Variants in SIM2 observed in about 807,000 individuals in gnomAD.
SIM2 encodes single-minded homolog 2.
A neutral mutation model predicts 64.8 loss-of-function variants in SIM2; 28 were observed. That is an observed-to-expected ratio of 0.43 (90% confidence interval 0.32 to 0.59). The LOEUF is 0.59. Ranked by LOEUF, SIM2 falls within the 20% of genes least tolerant of loss-of-function variation. The pLI, the probability that SIM2 is intolerant of heterozygous loss-of-function variation, is 0.07. For missense variants in SIM2, 847 were observed against 871.4 expected (o/e 0.97, Z 0.35); for synonymous variants, 408 against 391.1 (o/e 1.04, Z -0.51).
At chr21:36,727,663 A>C (rs2088910239) in intron 6 of SIM2, among the ~76,000 whole-genome samples, 1 of 152,204 alleles carries the variant, frequency 6.6e-6, no homozygotes, top group South Asian at 2.1e-4. Context: ...GGAATAAGCC[A>C]TCAGAGACCC....
In SIM2 at chr21:36,745,153, C is replaced by A. The variant is rs757506420; in HGVS notation, c.1576+17C>A. On this transcript the variant is annotated intron_variant, in intron 10 of 10. Transcript: ENST00000290399. This position sits in a 1 kb window ranked among gnomAD's most constrained non-coding sequence, Gnocchi z 4.8. Reference sequence around the variant, plus strand: ...GCTACGAAGGTGGGTCAGGTCTGCTCGTGGGGAAGGTGGGAGGACTGCGCA... The same window carrying A: ...GCTACGAAGGTGGGTCAGGTCTGCTAGTGGGGAAGGTGGGAGGACTGCGCA... 3 of 1,600,290 alleles carry A rather than the reference C, an allele frequency of 1.9e-6. No individual in the cohort carries two copies. The highest frequency in any genetic ancestry group is 1.7e-5 in the Admixed American group (1 of 57,990).
Position 36,723,046 on chromosome 21 carries a change from G to C in SIM2, c.459G>C (p.Glu153Asp). The C allele has an allele frequency of 6.2e-7, 1 of 1,613,914 alleles. No individual in the cohort carries two copies. Among genetic ancestry groups the C allele is most frequent in the Middle Eastern group, 1.6e-4 (1 of 6,062 alleles). ...ACCTCATCTTGCTCCTGCTTGCAGA[G>C]TATGAGATAGAGAGGTCGTTCTTTC... ...HQPLHHHLLQEYEIERSFFLR... is the reference protein window; with the variant it reads ...HQPLHHHLLQDYEIERSFFLR... Residue 153 changes from glutamate (E) to aspartate (D), a missense_variant and splice_region_variant, in exon 5 of 11, where the codon GAG (glutamate) becomes GAC (aspartate). By Grantham distance (45) the Glu-to-Asp change is conservative. Coordinates refer to ENST00000290399, the MANE Select transcript of SIM2 (RefSeq NM_005069.6).
At position 36,705,781 on chromosome 21, in the gene SIM2, T is replaced by A. The variant is rs182453828; in HGVS notation, c.176-3387T>A. Among the ~76,000 whole-genome samples, 7 of 152,316 alleles carry A rather than the reference T, an allele frequency of 4.6e-5. 1 individual carries two copies. The highest frequency in any genetic ancestry group is 3.3e-4 in the Admixed American group (5 of 15,304). On this transcript the variant is annotated intron_variant, in intron 1 of 10. Coordinates refer to ENST00000290399, the MANE Select transcript of SIM2 (RefSeq NM_005069.6). The stretch of plus-strand genomic sequence containing the variant: ...GGGCTGGGGTTAGGGACTGGCACCT[T>A]CTTGTTGTTAACCGCATTTGATATT...
Position 36,747,026 on chromosome 21 carries a change from AAAAC to A in SIM2, c.1577-623_1577-620del, listed in dbSNP as rs144536989. On this transcript the variant is annotated intron_variant, in intron 10 of 10. Transcript: ENST00000290399. The surrounding 1 kb of genome is among the most constrained non-coding windows in gnomAD (Gnocchi z 4.5). The stretch of plus-strand genomic sequence containing the variant: ...GACAAATTTTGCCATATAGTGTTTA[AAAAC>A]AAACAAACAAACAAAGACAAAAAAA... Among the ~76,000 whole-genome samples the A allele has an allele frequency of 0.045, 6,791 of 152,204 alleles. 371 individuals carry two copies. The highest frequency in any genetic ancestry group is 0.12 in the African/African-American group (4,831 of 41,480).
intron 7 of SIM2, among the ~76,000 whole-genome samples, chr21:36,735,404 T>A (rs6517379): frequency 6.6e-6 from 1 of 152,284 alleles, no homozygotes; most frequent in Non-Finnish European, 1.5e-5. Flanking sequence ...TTCCGAGCCC[T>A]GTCTGTCATC....
In SIM2 at chr21:36,745,887, G is replaced by A. The variant is rs899135275; in HGVS notation, c.1576+751G>A. 3.1e-6 allele frequency: 4 copies of A among 1,300,518 alleles called. No individual in the cohort carries two copies. In the East Asian group the frequency reaches 2.2e-4, roughly 73 times the overall value. 80.6% of individuals were successfully genotyped at this position (1,300,518 alleles called of 1,614,324 possible). On this transcript the variant is annotated intron_variant, in intron 10 of 10. Transcript: ENST00000290399. The surrounding 1 kb of genome is among the most constrained non-coding windows in gnomAD (Gnocchi z 4.8). ...CTGGACCAACCCCAGGCAGAAGGTG[G>A]AAGGTGGGAACAGAGGTTTAGCTGC...
intron 9 of SIM2, among the ~76,000 whole-genome samples, 183 bp downstream of exon 9, chr21:36,743,738 G>A (rs903429286): frequency 7.2e-5 from 11 of 152,114 alleles, no homozygotes; most frequent in African/African-American, 1.4e-4. Context: ...CCGACATCCC[G>A]GTGGGCTAGT....
Position 36,747,926 on chromosome 21 carries a change from G to A in SIM2, c.1838G>A (p.Gly613Glu). 9.6e-7 allele frequency: 1 copy of A among 1,038,368 alleles called. No homozygotes were observed. Among genetic ancestry groups the A allele is most frequent in the Non-Finnish European group, 1.2e-6 (1 of 862,582 alleles). 64.3% of individuals were successfully genotyped at this position (1,038,368 alleles called of 1,614,324 possible). ...HRVLARRGPLGGAAPAASGLA... is the reference protein window; with the variant it reads ...HRVLARRGPLEGAAPAASGLA... The stretch of plus-strand genomic sequence containing the variant: ...GTGCTGGCCCGGCGCGGACCGCTGG[G>A]GGGCGCCGCACCCGCCGCCTCCGGC... Residue 613 changes from glycine (G) to glutamate (E), a missense_variant, in exon 11 of 11, where the codon GGG (glycine) becomes GAG (glutamate). By Grantham distance (98) the Gly-to-Glu change is moderately conservative (BLOSUM62 -2). Transcript: ENST00000290399. The surrounding 1 kb of genome is among the most constrained non-coding windows in gnomAD (Gnocchi z 4.5).
At chr21:36,721,876 C>T (rs1310918619) in intron 4 of SIM2, among the ~76,000 whole-genome samples, 2 of 152,106 alleles carry the variant, frequency 1.3e-5, no homozygotes, top group Non-Finnish European at 2.9e-5. Flanking sequence ...ATCATGAGAC[C>T]CTTTCATGCC....
In SIM2 at chr21:36,749,765, G is replaced by A. The variant is rs1014442051; in HGVS notation, c.*1673G>A. 2.6e-5 allele frequency: 4 copies of A among 152,200 alleles called. No individual in the cohort carries two copies. Among genetic ancestry groups the A allele is most frequent in the Admixed American group, 6.5e-5 (1 of 15,288 alleles). 9.4% of individuals were successfully genotyped at this position (152,200 alleles called of 1,614,324 possible). ...GGTTTGATTACTAGGAGATACCACC[G>A]ACATTTTTCAATAAAGTACTGCAAA... On this transcript the variant is annotated 3_prime_UTR_variant, in exon 11 of 11. Coordinates refer to ENST00000290399, the MANE Select transcript of SIM2 (RefSeq NM_005069.6).
In SIM2 at chr21:36,711,776, C is replaced by G. The variant is rs201085534; in HGVS notation, c.259-757C>G. ...TTTCCTTTTTCAAAAATAATTTAGT[C>G]TTTTTATCCTTGACACATAAATATA... On this transcript the variant is annotated intron_variant, in intron 2 of 10. Transcript: ENST00000290399. Among the ~76,000 whole-genome samples the G allele has an allele frequency of 1.2e-4, 19 of 152,202 alleles. No homozygotes were observed. In the East Asian group the frequency reaches 2.9e-3, roughly 23 times the overall value.
At position 36,745,127 on chromosome 21, in the gene SIM2, A is replaced by G; in HGVS notation, c.1567A>G (p.Ser523Gly). 1 of 1,610,204 alleles carries G rather than the reference A, an allele frequency of 6.2e-7. No individual in the cohort carries two copies. Among genetic ancestry groups the G allele is most frequent in the Non-Finnish European group, 8.5e-7 (1 of 1,177,854 alleles). The change falls in exon 10 of 11, where the codon AGC (serine) becomes GGC (glycine). Residue 523 changes from serine (S) to glycine (G), a missense_variant. Ser to Gly is a moderately conservative substitution (Grantham distance 56, BLOSUM62 0). Transcript: ENST00000290399. This position sits in a 1 kb window ranked among gnomAD's most constrained non-coding sequence, Gnocchi z 4.8. ...ANTARHSLVP[S>G]YEAPAAAVRR... Reference sequence around the variant, plus strand: ...CACTGCTAGGCACAGCCTGGTGCCAAGCTACGAAGGTGGGTCAGGTCTGCT... The same window carrying G: ...CACTGCTAGGCACAGCCTGGTGCCAGGCTACGAAGGTGGGTCAGGTCTGCT...
intron 1 of SIM2, among the ~76,000 whole-genome samples, chr21:36,703,997 G>A (rs997095761): frequency 1.4e-4 from 21 of 152,248 alleles, no homozygotes; most frequent in African/African-American, 4.8e-4. Flanking sequence ...TGGAAACCAA[G>A]GTTGAGTCTC....
intron 4 of SIM2, among the ~76,000 whole-genome samples, chr21:36,722,573 A>G (rs997073817): frequency 1.3e-5 from 2 of 152,176 alleles, no homozygotes; most frequent in Non-Finnish European, 2.9e-5. Context: ...GAGGCCTGCA[A>G]AAGCAAAGTG....
At chr21:36,740,775 C>T (rs149520676) in intron 7 of SIM2, among the ~76,000 whole-genome samples, 128 of 152,346 alleles carry the variant, frequency 8.4e-4, no homozygotes, top group African/African-American at 2.8e-3. Context: ...GTCACAGACT[C>T]AGCCCCTTTG....
intron 1 of SIM2, among the ~76,000 whole-genome samples, chr21:36,705,067 C>T (rs973108205): frequency 4.6e-5 from 7 of 152,206 alleles, no homozygotes; most frequent in African/African-American, 1.4e-4. Flanking sequence ...GCCCCAAACT[C>T]CCTCCTTACG....
At chr21:36,707,703 C>T (rs1016314714) in intron 1 of SIM2, among the ~76,000 whole-genome samples, 6 of 152,116 alleles carry the variant, frequency 3.9e-5, no homozygotes, top group Non-Finnish European at 7.4e-5. Context: ...CCTCCAGAGA[C>T]CGCGATGCCC....
rs759924706 is a variant in SIM2 at position 36,743,583 on chromosome 21, G to A, written c.1167+28G>A. 25 of 1,606,022 alleles carry A rather than the reference G, an allele frequency of 1.6e-5. No individual in the cohort carries two copies. The East Asian group carries it at 5.1e-4, about 33-fold the overall frequency. ...AACACGCATGTCCTGCAGTTTTGGG[G>A]TGCTGACATCTATCCTAGGGGTTCG... On this transcript the variant is annotated intron_variant, in intron 9 of 10. Transcript: ENST00000290399.
chr21:36,709,036 G>A, intron 1 of SIM2, 132 bp from the exon 2 acceptor site: 1 of 712,364 alleles, frequency 1.4e-6, no homozygotes, highest in Non-Finnish European at 2.3e-6. Flanking sequence ...GCGGAGCCGG[G>A]GAGGCGGCGG....
Sources: gnomAD v4.1 joint callset for allele counts (sites outside exome capture counted in the v4.1 genomes callset) on GRCh38, gnomAD v4.1.1 for gene constraint, Gnocchi (gnomAD v3.1) non-coding constraint, MANE v1.5 for transcripts, NCBI Gene and HGNC (gene_info 2026-07-23, HGNC 2026-07-21) for gene names.